ACOXL: variants seen among roughly 807,000 people sequenced by gnomAD.
ACOXL encodes the protein acyl-CoA oxidase like, also known as acyl-coenzyme A oxidase-like protein.
ACOXL carries 70 observed loss-of-function variants against 71.9 expected under a neutral mutation model. The observed-to-expected ratio is 0.97, with a 90% CI of 0.80 to 1.19. The LOEUF is 1.19. Ranked by LOEUF, ACOXL falls within the 50% of genes most tolerant of loss-of-function variation. ACOXL has a pLI of 0.00. For synonymous variants in ACOXL, 253 were observed against 281.6 expected (o/e 0.90, Z 1.02); for missense variants, 703 against 736.3 (o/e 0.95, Z 0.52).
chr2:111,092,674 T>C (rs995519117), intron 16 of ACOXL, among the ~76,000 whole-genome samples, 191 bp from the exon 17 acceptor site: 2 of 152,218 alleles, frequency 1.3e-5, no homozygotes, highest in African/African-American at 4.8e-5. Flanking sequence ...TTTAAATTTT[T>C]CATAGAATTC....
chr2:110,916,034 T>C (rs936531219), intron 11 of ACOXL, among the ~76,000 whole-genome samples: 52 of 152,280 alleles, frequency 3.4e-4, no homozygotes, highest in African/African-American at 1.2e-3. Context: ...ACTTTATTAA[T>C]TTCTTTAACA....
At chr2:110,754,772 A>G (rs1679450285) in intron 1 of ACOXL, among the ~76,000 whole-genome samples, 1 of 152,230 alleles carries the variant, frequency 6.6e-6, no homozygotes, top group South Asian at 2.1e-4. Flanking sequence ...ATGATTGCAA[A>G]TAAAGCTGCT....
intron 9 of ACOXL, among the ~76,000 whole-genome samples, chr2:110,811,951 A>AC (rs1687388090): frequency 6.6e-6 from 1 of 152,276 alleles, no homozygotes; most frequent in Non-Finnish European, 1.5e-5. Context: ...AATACCAATA[A>AC]TGACTTGCAG....
At chr2:110,883,435 T>TC (rs111536745) in intron 10 of ACOXL, among the ~76,000 whole-genome samples, 46,717 of 151,960 alleles carry the variant, frequency 0.31, 7,488 homozygotes, top group Non-Finnish European at 0.35. Flanking sequence ...TAATAATCAG[T>TC]CCTAAACTCA....
chr2:110,865,753 A>C (rs1464873240), intron 10 of ACOXL, among the ~76,000 whole-genome samples: 1 of 152,182 alleles, frequency 6.6e-6, no homozygotes, highest in Non-Finnish European at 1.5e-5. Flanking sequence ...GTGTGTTTGC[A>C]AGGAGAGAAA....
At chr2:110,836,812 G>A (rs1305566233) in intron 9 of ACOXL, among the ~76,000 whole-genome samples, 1 of 152,214 alleles carries the variant, frequency 6.6e-6, no homozygotes, top group African/African-American at 2.4e-5. Context: ...AAATAGGCAG[G>A]CTCTTTCCAG....
chr2:111,056,710 C>A (rs2066558344), intron 16 of ACOXL, among the ~76,000 whole-genome samples: 1 of 150,782 alleles, frequency 6.6e-6, no homozygotes, highest in East Asian at 1.9e-4. Flanking sequence ...ATCGCTTTAA[C>A]CCAGGAGGCG....
intron 16 of ACOXL, among the ~76,000 whole-genome samples, chr2:111,091,166 A>G (rs2068503402): frequency 6.6e-6 from 1 of 152,180 alleles, no homozygotes; most frequent in African/African-American, 2.4e-5. Context: ...AGGATCCAGC[A>G]GCCACTCCCT....
At chr2:111,056,808 A>T (rs1410968327) in intron 16 of ACOXL, among the ~76,000 whole-genome samples, 1 of 150,862 alleles carries the variant, frequency 6.6e-6, no homozygotes, top group Non-Finnish European at 1.5e-5. Flanking sequence ...AAAAAAAAAA[A>T]TTTCATGGTA....
chr2:111,104,117 A>G (rs1347612733), intron 17 of ACOXL, among the ~76,000 whole-genome samples: 1 of 152,184 alleles, frequency 6.6e-6, no homozygotes, highest in Non-Finnish European at 1.5e-5. Flanking sequence ...CACCGAGCAT[A>G]ATTTTCTGAA....
Position 111,081,302 on chromosome 2 carries a change from G to A in ACOXL, c.1441-11563G>A, listed in dbSNP as rs145391385. On this transcript the variant is annotated intron_variant, in intron 16 of 17. Coordinates refer to ENST00000439055, the MANE Select transcript of ACOXL (RefSeq NM_001142807.4). ...GTCTCAGCCCAGAATCTCCTTAAGCGTATAAGCAACTTCAGCAAAGTCTCA... is the reference window on the plus strand; with the variant it reads ...GTCTCAGCCCAGAATCTCCTTAAGCATATAAGCAACTTCAGCAAAGTCTCA... Among the ~76,000 whole-genome samples the A allele has an allele frequency of 6.0e-3, 911 of 152,174 alleles. 2 individuals are homozygous for A. The highest frequency in any genetic ancestry group is 9.3e-3 in the Non-Finnish European group (629 of 67,974).
intron 10 of ACOXL, among the ~76,000 whole-genome samples, chr2:110,855,333 T>C (rs1693102641): frequency 6.6e-6 from 1 of 152,190 alleles, no homozygotes; most frequent in Non-Finnish European, 1.5e-5. Flanking sequence ...GTTACTAATT[T>C]TGTTTTAGAG....
chr2:111,022,482 A>G (rs1233452515), intron 14 of ACOXL, among the ~76,000 whole-genome samples: 1 of 152,090 alleles, frequency 6.6e-6, no homozygotes, highest in East Asian at 1.9e-4. Context: ...TCAAACCGGA[A>G]GAGAGACAGG....
At chr2:111,064,797 A>G (rs1209413997) in intron 16 of ACOXL, among the ~76,000 whole-genome samples, 1 of 152,262 alleles carries the variant, frequency 6.6e-6, no homozygotes, top group African/African-American at 2.4e-5. Context: ...TATAAACCTA[A>G]CAAAACATGT....
chr2:110,858,744 A>C (rs1693579851), intron 10 of ACOXL, among the ~76,000 whole-genome samples: 1 of 152,254 alleles, frequency 6.6e-6, no homozygotes, highest in East Asian at 1.9e-4. Context: ...GTTATGGAAC[A>C]AAATACAAAT....
chr2:110,781,736 C>T (rs1206404169), intron 2 of ACOXL, among the ~76,000 whole-genome samples: 1 of 152,112 alleles, frequency 6.6e-6, no homozygotes. Context: ...CTGGTTAGCC[C>T]AGGAGGTGAG....
chr2:111,070,863 C>T (rs1330798866), intron 16 of ACOXL, among the ~76,000 whole-genome samples: 1 of 152,108 alleles, frequency 6.6e-6, no homozygotes, highest in African/African-American at 2.4e-5. Context: ...TGCTTTCCCT[C>T]GTGGCCTGTA....
At position 110,865,801 on chromosome 2, in the gene ACOXL, A is replaced by T. The variant is rs572876773; in HGVS notation, c.788+24396A>T. Among the ~76,000 whole-genome samples, 3 of 152,198 alleles carry T rather than the reference A, an allele frequency of 2.0e-5. No homozygotes were observed. In the East Asian group the frequency reaches 5.8e-4, roughly 29 times the overall value. On this transcript the variant is annotated intron_variant, in intron 10 of 17. Transcript: ENST00000439055. ...TTTGCATTTTTATTTTTGCATGTAAATGATAGCATAATCTATCCATTGTCC... is the reference window on the plus strand; with the variant it reads ...TTTGCATTTTTATTTTTGCATGTAATTGATAGCATAATCTATCCATTGTCC...
At chr2:110,750,581 A>G (rs1276485422) in intron 1 of ACOXL, among the ~76,000 whole-genome samples, 1 of 148,896 alleles carries the variant, frequency 6.7e-6, no homozygotes, top group Non-Finnish European at 1.5e-5. Context: ...ATATATACAT[A>G]TATATACATT....
Sources: allele counts gnomAD v4.1 joint callset (sites outside exome capture counted in the v4.1 genomes callset), GRCh38; gene constraint gnomAD v4.1.1; transcripts MANE v1.5; gene names NCBI Gene and HGNC (gene_info 2026-07-23, HGNC 2026-07-21).